The following MED13L variants were observed in gnomAD, a reference collection of about 807,000 sequenced individuals.
MED13L encodes the protein mediator complex subunit 13L, also known as mediator of RNA polymerase II transcription subunit 13-like.
A neutral mutation model predicts 220.9 loss-of-function variants in MED13L; 7 were observed. That is an observed-to-expected ratio of 0.03 (90% CI 0.02 to 0.06). MED13L has a LOEUF of 0.06. Among genes scored for constraint, MED13L ranks in the 10% least tolerant of loss-of-function variants. The pLI is 1.00. For missense variants in MED13L, 1,965 were observed against 2,760.5 expected (o/e 0.71, Z 6.46); for synonymous variants, 1,011 against 1,015.2 (o/e 1.00, Z 0.08).
intron 2 of MED13L, among the ~76,000 whole-genome samples, chr12:116,149,206 T>C (rs1877831635): frequency 1.3e-5 from 2 of 152,212 alleles, no homozygotes; most frequent in Admixed American, 1.3e-4. Flanking sequence ...CCCTCTTTCC[T>C]GACTTAAGGC....
chr12:115,996,456 GAC>G lies in MED13L; in HGVS notation c.2996+18_2996+19del. 6.2e-7 allele frequency: 1 copy of G among 1,600,982 alleles called. No homozygotes were observed. Among genetic ancestry groups the G allele is most frequent in the Non-Finnish European group, 8.6e-7 (1 of 1,168,128 alleles). ...ATTGCATCAAATATGGCAAGTAAATGACACAATCCCTATACATACTTGTAGCC... is the reference window on the plus strand; with the variant it reads ...ATTGCATCAAATATGGCAAGTAAATGACAATCCCTATACATACTTGTAGCC... On this transcript the variant is annotated intron_variant, in intron 16 of 30. Transcript: ENST00000281928.
At chr12:116,210,551 C>CTATATATATATATATATATATATA (rs3043762) in intron 2 of MED13L, among the ~76,000 whole-genome samples, 174 of 113,596 alleles carry the variant, frequency 1.5e-3, no homozygotes, top group Non-Finnish European at 1.8e-3. Flanking sequence ...AGAACGTAAC[C>CTATATATATATATATATATATATA]TATATATATA....
intron 2 of MED13L, among the ~76,000 whole-genome samples, chr12:116,132,567 C>T (rs1876163849): frequency 6.7e-6 from 1 of 148,664 alleles, no homozygotes; most frequent in Admixed American, 6.7e-5. Flanking sequence ...TTTCTACTTG[C>T]TTTTTTTTTT....
rs184770923 is a variant in MED13L at position 116,081,016 on chromosome 12, C to T, written c.479+15653G>A. On this transcript the variant is annotated intron_variant, in intron 4 of 30. Coordinates refer to ENST00000281928, the MANE Select transcript of MED13L (RefSeq NM_015335.5). ...AAGGGAACATACTTTGCACAATCCACATTTCACTGTTCTTTAAAGGTCACA... is the reference window on the plus strand; with the variant it reads ...AAGGGAACATACTTTGCACAATCCATATTTCACTGTTCTTTAAAGGTCACA... 8.5e-5 allele frequency among the ~76,000 whole-genome samples: 13 copies of T among 152,284 alleles called. No individual in the cohort carries two copies. The East Asian group carries it at 2.5e-3, about 29-fold the overall frequency.
At chr12:116,125,276 C>A (rs1875481016) in intron 2 of MED13L, among the ~76,000 whole-genome samples, 2 of 152,274 alleles carry the variant, frequency 1.3e-5, no homozygotes, top group Non-Finnish European at 1.5e-5. Context: ...TCAAGGCCAG[C>A]CTGGGCACTA....
chr12:115,961,612 G>A, intron 30 of MED13L: 1 of 655,774 alleles, frequency 1.5e-6, no homozygotes, highest in Middle Eastern at 4.3e-4. Context: ...CATGGCCATT[G>A]AGCTCCGCCA....
intron 4 of MED13L, among the ~76,000 whole-genome samples, chr12:116,064,183 A>G (rs946173237): frequency 2.1e-5 from 3 of 144,030 alleles, no homozygotes; most frequent in African/African-American, 7.6e-5. Context: ...ACCCCGTCTC[A>G]AAAAAAAAAA....
intron 29 of MED13L, among the ~76,000 whole-genome samples, chr12:115,963,930 A>T (rs1875953255): frequency 6.6e-6 from 1 of 150,702 alleles, no homozygotes; most frequent in African/African-American, 2.4e-5. Context: ...ATAAAACATT[A>T]AAAAAAAATA....
intron 23 of MED13L, 121 bp from the exon 24 acceptor site, chr12:115,975,859 T>C: frequency 1.2e-6 from 1 of 868,144 alleles, no homozygotes; most frequent in East Asian, 2.6e-5. Context: ...TTTCTCTCTC[T>C]CTCTCTCCAG....
At chr12:116,099,240 C>CAT (rs1294336795) in intron 3 of MED13L, among the ~76,000 whole-genome samples, 2 of 152,208 alleles carry the variant, frequency 1.3e-5, no homozygotes, top group Non-Finnish European at 2.9e-5. Context: ...TACCAACTCT[C>CAT]ATGCTGTCAC....
intron 1 of MED13L, among the ~76,000 whole-genome samples, chr12:116,250,589 C>A (rs1455007646): frequency 5.4e-5 from 8 of 148,206 alleles, no homozygotes; most frequent in Non-Finnish European, 1.0e-4. Context: ...TATGGTGAAA[C>A]CCCGTCTCTA....
chr12:116,056,931 A>G (rs1462403897), intron 4 of MED13L, among the ~76,000 whole-genome samples: 1 of 152,214 alleles, frequency 6.6e-6, no homozygotes, highest in African/African-American at 2.4e-5. Context: ...CTACCTCAAA[A>G]GATTTACTAA....
intron 2 of MED13L, among the ~76,000 whole-genome samples, chr12:116,123,782 T>A (rs975518403): frequency 2.0e-5 from 3 of 152,106 alleles, no homozygotes; most frequent in African/African-American, 7.2e-5. Flanking sequence ...GCTACAATAA[T>A]CTTAAAGAGC....
chr12:115,971,052 A>T (rs562331582), intron 26 of MED13L, among the ~76,000 whole-genome samples: 2 of 152,342 alleles, frequency 1.3e-5, no homozygotes, highest in South Asian at 2.1e-4. Context: ...TCTAAAAATA[A>T]ACACCCTACT....
chr12:116,068,448 C>T (rs1488762202), intron 4 of MED13L, among the ~76,000 whole-genome samples: 4 of 152,164 alleles, frequency 2.6e-5, no homozygotes, highest in African/African-American at 9.7e-5. Flanking sequence ...TACAAACACT[C>T]CTGATACACT....
chr12:116,273,585 G>C (rs1367891704), intron 1 of MED13L, among the ~76,000 whole-genome samples: 1 of 151,744 alleles, frequency 6.6e-6, no homozygotes, highest in Non-Finnish European at 1.5e-5. Context: ...GTCAACAATA[G>C]ATTACCTTAA....
intron 1 of MED13L, among the ~76,000 whole-genome samples, chr12:116,245,731 G>A (rs1278888488): frequency 6.7e-6 from 1 of 148,596 alleles, no homozygotes; most frequent in African/African-American, 2.5e-5. Flanking sequence ...CTCCCAGAAA[G>A]TGAAACAAAT....
intron 2 of MED13L, among the ~76,000 whole-genome samples, chr12:116,193,611 T>G (rs1458974292): frequency 5.5e-5 from 1 of 18,308 alleles, no homozygotes; most frequent in Non-Finnish European, 1.0e-4. Context: ...AGTAGAAATC[T>G]CTCAGAAAAA....
At chr12:116,028,632 C>T (rs959231199) in intron 4 of MED13L, among the ~76,000 whole-genome samples, 2 of 152,150 alleles carry the variant, frequency 1.3e-5, no homozygotes, top group African/African-American at 4.8e-5. Flanking sequence ...CTAGTCCCGG[C>T]ATCAGTTCTA....
Sources: allele counts gnomAD v4.1 joint callset (sites outside exome capture counted in the v4.1 genomes callset), GRCh38; gene constraint gnomAD v4.1.1; transcripts MANE v1.5; gene names NCBI Gene and HGNC (gene_info 2026-07-23, HGNC 2026-07-21).